The following EMG1 variants were observed in gnomAD, a reference collection of about 807,000 sequenced individuals.
EMG1 encodes the protein EMG1 N1-specific pseudouridine methyltransferase, also known as ribosomal RNA small subunit methyltransferase NEP1.
A neutral mutation model predicts 26.9 loss-of-function variants in EMG1; 24 were observed. That is an observed-to-expected ratio of 0.89 (90% CI 0.65 to 1.26). The LOEUF (loss-of-function observed/expected upper bound fraction) is 1.26, where lower values mean the gene tolerates loss of function less well. Among genes scored for constraint, EMG1 ranks in the 50% most tolerant of loss-of-function variants. The pLI is 0.00. For synonymous variants in EMG1, 140 were observed against 112.6 expected, an observed-to-expected ratio of 1.24 and a Z score of -1.54; for missense variants, 299 against 307.6, an observed-to-expected ratio of 0.97 and a Z score of 0.21.
Position 6,979,434 on chromosome 12 carries a change from G to A in EMG1, c.*3625G>A, listed in dbSNP as rs1555153776. The A allele has an allele frequency of 6.9e-7, 1 of 1,444,242 alleles. No homozygotes were observed. The allele number at this position is 1,444,242 out of a possible 1,614,324, so 89.5% of individuals were successfully genotyped here. ...CTTGCCTGTCCATTTTCTAGCTCTG[G>A]TGCAGTCATGCTGCTGCTGCTTTAG... On this transcript the variant is annotated 3_prime_UTR_variant, in exon 6 of 6. Coordinates refer to ENST00000599672, the MANE Select transcript of EMG1 (RefSeq NM_006331.8).
intron 6 of EMG1, among the ~76,000 whole-genome samples, chr12:6,986,118 G>A (rs1946523229): frequency 6.6e-6 from 1 of 151,898 alleles, no homozygotes; most frequent in Admixed American, 6.6e-5. Flanking sequence ...AATAGGCTAG[G>A]CTCTTAAATT....
intron 7 of EMG1, among the ~76,000 whole-genome samples, chr12:6,996,055 T>C (rs1371378763): frequency 6.6e-6 from 1 of 152,194 alleles, no homozygotes; most frequent in African/African-American, 2.4e-5. Flanking sequence ...TCAAGGCCTC[T>C]ATTCTCACTC....
At chr12:6,981,735 G>C (rs1482339209), downstream of EMG1, 30 of 1,408,432 alleles carry the variant, frequency 2.1e-5, no homozygotes, top group East Asian at 6.8e-5. Flanking sequence ...GGGCGGAGGG[G>C]GGGTGCCGAG....
chr12:6,978,670 C>A lies in EMG1; in HGVS notation c.*2861C>A. 6.2e-7 allele frequency: 1 copy of A among 1,614,084 alleles called. No individual in the cohort carries two copies. Among genetic ancestry groups the A allele is most frequent in the Non-Finnish European group, 8.5e-7 (1 of 1,180,006 alleles). The stretch of plus-strand genomic sequence containing the variant: ...GCCCCAGATCAGCATGTACATGCAG[C>A]GGAACCAGAAGGGGTGGTTCTTGAG... On this transcript the variant is annotated 3_prime_UTR_variant, in exon 6 of 6. Transcript: ENST00000599672.
downstream of EMG1, chr12:6,983,019 T>C: frequency 6.8e-6 from 4 of 591,814 alleles, no homozygotes; most frequent in Non-Finnish European, 1.3e-5. Context: ...ACTTGCTCTG[T>C]TGTCCAGACT....
downstream of EMG1, chr12:6,983,247 C>A (rs1946488488): frequency 7.4e-6 from 4 of 539,448 alleles, no homozygotes; most frequent in Non-Finnish European, 1.0e-5. Context: ...TTTTATCTGA[C>A]AGAAGAATGT....
downstream of EMG1, among the ~76,000 whole-genome samples, chr12:6,984,864 C>T (rs183635296): frequency 1.6e-3 from 250 of 152,264 alleles, 1 homozygote; most frequent in Non-Finnish European, 2.8e-3. Flanking sequence ...GGATTACAGG[C>T]GTGAGTCACT....
chr12:6,977,821 CCCT>C lies in EMG1; in HGVS notation c.*2013_*2015del. 6.4e-7 allele frequency: 1 copy of C among 1,569,688 alleles called. No homozygotes were observed. The highest frequency in any genetic ancestry group is 1.3e-5 in the African/African-American group (1 of 74,234). On this transcript the variant is annotated 3_prime_UTR_variant, in exon 6 of 6. Transcript: ENST00000599672. The surrounding 1 kb of genome is among the most constrained non-coding windows in gnomAD (Gnocchi z 4.5). ...CCCGCCACCTGCCTCTGGGTCCTCA[CCCT>C]GAGGATTGGATTGGAGTGCTGGTGG...
At position 6,979,808 on chromosome 12, in the gene EMG1, C is replaced by G; in HGVS notation, c.*3999C>G. ...AAGAGTTGTAGGAAAGTCAGGGCAG[C>G]AGACAGTGGACCAGTCTTGTGTTTA... On this transcript the variant is annotated 3_prime_UTR_variant, in exon 6 of 6. Coordinates refer to ENST00000599672, the MANE Select transcript of EMG1 (RefSeq NM_006331.8). 2.3e-5 allele frequency: 13 copies of G among 559,994 alleles called. 1 individual carries two copies. The South Asian group carries it at 2.7e-4, about 12-fold the overall frequency. The allele number at this position is 559,994 out of a possible 1,614,324, so 34.7% of individuals were successfully genotyped here. A position where few individuals can be genotyped will look rare whatever the true frequency, so the allele number is the denominator to read the frequency against.
downstream of EMG1, chr12:6,982,568 G>T: frequency 1.3e-6 from 1 of 764,696 alleles, no homozygotes; most frequent in South Asian, 1.6e-5. Flanking sequence ...TGCTGGGAGA[G>T]GGGTTAGAAA....
rs781907383 is a variant in EMG1 at position 6,978,329 on chromosome 12, C to T, written c.*2520C>T. ...AAGGAACCAGGGTCCAGGCTCCCCACCAGCAGCTCACCGGGCCACCCAGGC... is the reference window on the plus strand; with the variant it reads ...AAGGAACCAGGGTCCAGGCTCCCCATCAGCAGCTCACCGGGCCACCCAGGC... On this transcript the variant is annotated 3_prime_UTR_variant, in exon 6 of 6. Coordinates refer to ENST00000599672, the MANE Select transcript of EMG1 (RefSeq NM_006331.8). 6.2e-6 allele frequency: 10 copies of T among 1,600,502 alleles called. No homozygotes were observed. Among genetic ancestry groups the T allele is most frequent in the Non-Finnish European group, 8.5e-6 (10 of 1,172,608 alleles).
At position 6,976,418 on chromosome 12, in the gene EMG1, T is replaced by C. The variant is rs145616564; in HGVS notation, c.*609T>C. The C allele has an allele frequency of 8.2e-3, 1,252 of 153,516 alleles. 20 individuals are homozygous for C. Among genetic ancestry groups the C allele is most frequent in the Non-Finnish European group, 6.1e-3 (422 of 68,740 alleles). 9.5% of individuals were successfully genotyped at this position (153,516 alleles called of 1,614,324 possible). ...AGAGGGGAGATGTGAGCCCCTCTGC[T>C]CCTCCCACAAGAGTTTCCCCTTTGG... On this transcript the variant is annotated 3_prime_UTR_variant, in exon 6 of 6. Transcript: ENST00000599672.
At chr12:6,981,477 C>T, downstream of EMG1, 1 of 1,018,516 alleles carries the variant, frequency 9.8e-7, no homozygotes, top group Non-Finnish European at 1.6e-6. Flanking sequence ...GGAGATTGCA[C>T]AGGCTGGGGA....
At position 6,977,612 on chromosome 12, in the gene EMG1, T is replaced by C; in HGVS notation, c.*1803T>C. On this transcript the variant is annotated 3_prime_UTR_variant, in exon 6 of 6. Coordinates refer to ENST00000599672, the MANE Select transcript of EMG1 (RefSeq NM_006331.8). The surrounding 1 kb of genome is among the most constrained non-coding windows in gnomAD (Gnocchi z 4.5). ...TGGAGGCCTACCTGTCTTTCCACAATAACAATGAGGAATTCCATCTGGAAG... is the reference window on the plus strand; with the variant it reads ...TGGAGGCCTACCTGTCTTTCCACAACAACAATGAGGAATTCCATCTGGAAG... 4 of 1,614,056 alleles carry C rather than the reference T, an allele frequency of 2.5e-6. No individual in the cohort carries two copies. Among genetic ancestry groups the C allele is most frequent in the Non-Finnish European group, 3.4e-6 (4 of 1,180,020 alleles).
intron 1 of EMG1, 21 bp downstream of exon 1, chr12:6,971,112 G>T: frequency 6.2e-7 from 1 of 1,601,370 alleles, no homozygotes; most frequent in Non-Finnish European, 8.5e-7. Context: ...ACAGGAAGTG[G>T]AGAAGTAGTA....
In EMG1 at chr12:6,979,702, A is replaced by C; in HGVS notation, c.*3893A>C. 1 of 677,186 alleles carries C rather than the reference A, an allele frequency of 1.5e-6. No homozygotes were observed. 41.9% of individuals were successfully genotyped at this position (677,186 alleles called of 1,614,324 possible). ...GTTGTCTACCTGGAATGGGATGAGA[A>C]GCTCTGCTGCCCAAAGTGTTTCCTG... is the stretch of plus-strand genomic sequence containing the variant. On this transcript the variant is annotated 3_prime_UTR_variant, in exon 6 of 6. Coordinates refer to ENST00000599672, the MANE Select transcript of EMG1 (RefSeq NM_006331.8).
At position 6,987,721 on chromosome 12, in the gene EMG1, T is replaced by TA; in HGVS notation, c.*155-55dup. The TA allele has an allele frequency of 2.5e-6, 1 of 400,164 alleles. No homozygotes were observed. The allele number at this position is 400,164 out of a possible 1,614,324, so 24.8% of individuals were successfully genotyped here. A position where few individuals can be genotyped will look rare whatever the true frequency, so the allele number is the denominator to read the frequency against. ...CTTAACCATTTGGAATGCTCGAAAT[T>TA]AAAAAACACCACACATATTACTCTG... is the stretch of plus-strand genomic sequence containing the variant. On this transcript the variant is annotated intron_variant and NMD_transcript_variant, in intron 6 of 7. Transcript: ENST00000261406. This position sits in a 1 kb window ranked among gnomAD's most constrained non-coding sequence, Gnocchi z 4.1.
At chr12:6,981,034 A>T (rs1946466331), downstream of EMG1, 1 of 1,604,326 alleles carries the variant, frequency 6.2e-7, no homozygotes, top group African/African-American at 1.3e-5. Context: ...TATGTCAATC[A>T]GCTCTCCCTG....
In EMG1 at chr12:6,979,635, C is replaced by T. The variant is rs1946449056; in HGVS notation, c.*3826C>T. On this transcript the variant is annotated 3_prime_UTR_variant, in exon 6 of 6. Coordinates refer to ENST00000599672, the MANE Select transcript of EMG1 (RefSeq NM_006331.8). ...CAGAGAGCAGAGACTATTCCCTTCA[C>T]CCTCTGACCTTCAGTTATGGAGAGG... The T allele has an allele frequency of 4.1e-6, 5 of 1,217,190 alleles. No individual in the cohort carries two copies. The highest frequency in any genetic ancestry group is 3.5e-5 in the Admixed American group (2 of 57,940). 75.4% of individuals were successfully genotyped at this position (1,217,190 alleles called of 1,614,324 possible). A position where few individuals can be genotyped will look rare whatever the true frequency, so the allele number is the denominator to read the frequency against.
Sources: gnomAD v4.1 joint callset for allele counts (sites outside exome capture counted in the v4.1 genomes callset) on GRCh38, gnomAD v4.1.1 for gene constraint, Gnocchi (gnomAD v3.1) non-coding constraint, MANE v1.5 for transcripts, NCBI Gene and HGNC (gene_info 2026-07-23, HGNC 2026-07-21) for gene names.